The following WDR91 variants were observed in gnomAD, a reference collection of about 807,000 sequenced individuals.
WDR91 encodes the protein WD repeat-containing protein 91.
Under a neutral mutation model 88.4 loss-of-function variants are expected in WDR91, and 52 were observed. That is an observed-to-expected ratio of 0.59 (90% CI 0.47 to 0.74). WDR91 has a LOEUF of 0.74. WDR91 is among the 30% of genes least tolerant of loss of function. WDR91 has a pLI of 0.00. For missense variants in WDR91, 824 were observed against 954.5 expected, an observed-to-expected ratio of 0.86 and a Z score of 1.80; for synonymous variants, 362 against 389.5, an observed-to-expected ratio of 0.93 and a Z score of 0.83.
chr7:135,209,985 G>A, intron 1 of WDR91: 1 of 403,002 alleles, frequency 2.5e-6, no homozygotes, highest in Non-Finnish European at 4.4e-6. Context: ...GGTGTAAAAG[G>A]GCTCTGGCCC....
Position 135,187,172 on chromosome 7 carries a change from G to T in WDR91, c.1882-3C>A. 6.2e-7 allele frequency: 1 copy of T among 1,614,056 alleles called. No individual in the cohort carries two copies. The highest frequency in any genetic ancestry group is 8.5e-7 in the Non-Finnish European group (1 of 1,180,008). Reference sequence around the variant, plus strand: ...TTGTGGATGTTCCACTGGATGAACTGCAGTCACAGGGCACAAGCAGGGTGC... The same window carrying T: ...TTGTGGATGTTCCACTGGATGAACTTCAGTCACAGGGCACAAGCAGGGTGC... On this transcript the variant is annotated splice_region_variant and splice_polypyrimidine_tract_variant and intron_variant, in intron 13 of 14. Coordinates refer to ENST00000354475, the MANE Select transcript of WDR91 (RefSeq NM_014149.4).
In WDR91 at chr7:135,187,042, C is replaced by T. The variant is rs1285022652; in HGVS notation, c.2009G>A (p.Arg670Gln). Reference protein sequence around the residue: ...GYKQVQVPRGRLFAFDSEGNY... With the variant: ...GYKQVQVPRGQLFAFDSEGNY... ...TCCCTCCGAGTCAAAAGCGAAGAGT[C>T]GGCCCCTGGGGACTTGAACCTGCTT... Residue 670 changes from arginine (R) to glutamine (Q), a missense_variant, in exon 14 of 15, where the codon CGA (arginine) becomes CAA (glutamine). Physicochemically the swap from Arg to Gln is conservative, Grantham distance 43. Transcript: ENST00000354475. 7.4e-6 allele frequency: 12 copies of T among 1,614,136 alleles called. No homozygotes were observed. The highest frequency in any genetic ancestry group is 3.3e-5 in the Admixed American group (2 of 60,018).
chr7:135,186,240 A>C lies in WDR91; in HGVS notation c.2155T>G (p.Trp719Gly). ...GHRAPVVTVD[W>G]STAMDCGTCL... ...GTCCCACAGTCCATGGCAGTGCTCC[A>C]GTCCACGGTGACCACAGGGGCTCGG... The change falls in exon 15 of 15, where the codon TGG becomes GGG. Residue 719 changes from tryptophan to glycine, a missense_variant. Trp to Gly is a radical substitution (Grantham distance 184). Coordinates refer to ENST00000354475, the MANE Select transcript of WDR91 (RefSeq NM_014149.4). The C allele has an allele frequency of 6.2e-7, 1 of 1,611,980 alleles. No individual in the cohort carries two copies.
chr7:135,201,055 C>T (rs1831551208), intron 6 of WDR91, among the ~76,000 whole-genome samples: 1 of 152,228 alleles, frequency 6.6e-6, no homozygotes, highest in African/African-American at 2.4e-5. Context: ...ACTTACTTCT[C>T]AGTAACTGGG....
chr7:135,193,840 TAAAC>T (rs1400694613), intron 9 of WDR91, 168 bp from the exon 10 acceptor site: 3 of 609,354 alleles, frequency 4.9e-6, no homozygotes, highest in Admixed American at 2.9e-5. Context: ...ACTTTAAAAT[TAAAC>T]AAAGACGTGA....
intron 1 of WDR91, among the ~76,000 whole-genome samples, chr7:135,210,431 A>G (rs996867949): frequency 2.0e-5 from 3 of 152,214 alleles, no homozygotes; most frequent in Non-Finnish European, 1.5e-5. Flanking sequence ...GGGGTGAAGA[A>G]GAGCTATGAG....
At chr7:135,209,473 A>T in intron 2 of WDR91, 103 bp downstream of exon 2, 1 of 1,179,216 alleles carries the variant, frequency 8.5e-7, no homozygotes, top group Non-Finnish European at 1.2e-6. Flanking sequence ...ACTCTTTCCC[A>T]TAGTCACATA....
rs1253785731 is a variant in WDR91, at chr7:135,184,491, C to T, written c.*1660G>A. The T allele has an allele frequency of 6.6e-6, 1 of 152,316 alleles. No homozygotes were observed. The highest frequency in any genetic ancestry group is 2.4e-5 in the African/African-American group (1 of 41,454). 9.4% of individuals were successfully genotyped at this position (152,316 alleles called of 1,614,324 possible). Reference sequence around the variant, plus strand: ...AGGTCCATCACTCCCATAGTGACTCCTCCCATAAGCTCTGCCTCAGCTGTG... The same window carrying T: ...AGGTCCATCACTCCCATAGTGACTCTTCCCATAAGCTCTGCCTCAGCTGTG... On this transcript the variant is annotated 3_prime_UTR_variant, in exon 15 of 15. Coordinates refer to ENST00000354475, the MANE Select transcript of WDR91 (RefSeq NM_014149.4).
rs1831042827 is a variant in WDR91 at position 135,188,589 on chromosome 7, T to A, written c.1769-44A>T. 2.6e-6 allele frequency: 4 copies of A among 1,551,522 alleles called. No homozygotes were observed. In the African/African-American group the frequency reaches 5.4e-5, roughly 21 times the overall value. The stretch of plus-strand genomic sequence containing the variant: ...GCCACTCACATCCTGGCCAGGGCTC[T>A]GCAGAAGGAATCTGCCTGCAGCAGG... On this transcript the variant is annotated intron_variant, in intron 12 of 14. Transcript: ENST00000354475.
At chr7:135,203,528 G>A (rs58400126) in intron 6 of WDR91, among the ~76,000 whole-genome samples, 4,332 of 152,224 alleles carry the variant, frequency 0.028, 166 homozygotes, top group African/African-American at 0.089. Context: ...AAAAAGATCC[G>A]CTTGCAGTCT....
At chr7:135,202,662 T>C (rs1481302240) in intron 6 of WDR91, among the ~76,000 whole-genome samples, 3 of 152,210 alleles carry the variant, frequency 2.0e-5, no homozygotes, top group Non-Finnish European at 4.4e-5. Context: ...TTCAAGTTAA[T>C]GAAATTGAAT....
chr7:135,204,196 A>G (rs769794061), intron 6 of WDR91, 72 bp downstream of exon 6: 109 of 1,564,760 alleles, frequency 7.0e-5, no homozygotes, highest in Non-Finnish European at 9.1e-5. Context: ...ACACTTGACC[A>G]GGAGGTCTGG....
At position 135,193,373 on chromosome 7, in the gene WDR91, T is replaced by C. The variant is rs142215859; in HGVS notation, c.1517A>G (p.Asn506Ser). 1.4e-4 allele frequency: 219 copies of C among 1,613,994 alleles called. No homozygotes were observed. Among genetic ancestry groups the C allele is most frequent in the Non-Finnish European group, 1.7e-4 (201 of 1,180,026 alleles). ...PRILSLACSP[N>S]GASFVCSAAA... is the part of the protein sequence containing the mutation. ...TGCCGAACAGACGAAAGAGGCCCCGTTGGGGCTGCACGCAAGAGACAGGAT... is the reference window on the plus strand; with the variant it reads ...TGCCGAACAGACGAAAGAGGCCCCGCTGGGGCTGCACGCAAGAGACAGGAT... The change falls in exon 11 of 15, where the codon AAC (asparagine) becomes AGC (serine). Residue 506 changes from asparagine to serine, a missense_variant. Coordinates refer to ENST00000354475, the MANE Select transcript of WDR91 (RefSeq NM_014149.4).
At position 135,196,630 on chromosome 7, in the gene WDR91, G is replaced by T. The variant is rs188123452; in HGVS notation, c.1051-293C>A. Among the ~76,000 whole-genome samples the T allele has an allele frequency of 3.3e-5, 5 of 152,184 alleles. No homozygotes were observed. Among genetic ancestry groups the T allele is most frequent in the Non-Finnish European group, 7.3e-5 (5 of 68,034 alleles). ...CTGATGGGACCCAGGACACACATCT[G>T]CCTTGACAACAGGCCAGGCGGAGGA... On this transcript the variant is annotated intron_variant, in intron 7 of 14. Coordinates refer to ENST00000354475, the MANE Select transcript of WDR91 (RefSeq NM_014149.4). This position sits in a 1 kb window ranked among gnomAD's most constrained non-coding sequence, Gnocchi z 4.2.
At chr7:135,193,173 C>T in intron 11 of WDR91, 58 bp downstream of exon 11, 1 of 1,573,232 alleles carries the variant, frequency 6.4e-7, no homozygotes, top group South Asian at 1.2e-5. Flanking sequence ...CTTCAGAAAC[C>T]CAGGGGAATA....
chr7:135,202,366 C>G (rs1045385510), intron 6 of WDR91: 1 of 152,190 alleles, frequency 6.6e-6, no homozygotes, highest in African/African-American at 2.4e-5. Context: ...AACAAGTGAC[C>G]TGACTATTGG....
In WDR91 at chr7:135,186,319, C is replaced by G; in HGVS notation, c.2080-4G>C. The G allele has an allele frequency of 1.2e-6, 2 of 1,611,100 alleles. No individual in the cohort carries two copies. The highest frequency in any genetic ancestry group is 2.2e-5 in the South Asian group (2 of 90,574). On this transcript the variant is annotated splice_region_variant and splice_polypyrimidine_tract_variant and intron_variant, in intron 14 of 14. Coordinates refer to ENST00000354475, the MANE Select transcript of WDR91 (RefSeq NM_014149.4). ...GAACCTTCTCATCGCCACCCAGCTGCAAGAGGACAGGAAAGAGGAGGAGGT... is the reference window on the plus strand; with the variant it reads ...GAACCTTCTCATCGCCACCCAGCTGGAAGAGGACAGGAAAGAGGAGGAGGT...
rs762789296 is a variant in WDR91 at position 135,204,226 on chromosome 7, G to A, written c.891+42C>T. 93 of 1,602,952 alleles carry A rather than the reference G, an allele frequency of 5.8e-5. No individual in the cohort carries two copies. The Admixed American group carries it at 1.2e-3, about 21-fold the overall frequency. ...GTCTGGAAGCACAGGGAGCTGTCAC[G>A]GCCTTCTTGGCCAGAGTTAGAGAGG... On this transcript the variant is annotated intron_variant, in intron 6 of 14. Transcript: ENST00000354475.
chr7:135,207,318 C>T (rs777154563), intron 3 of WDR91, 116 bp from the exon 4 acceptor site: 10 of 859,266 alleles, frequency 1.2e-5, no homozygotes, highest in African/African-American at 8.4e-5. Context: ...AGTATAGGAG[C>T]GGTGCTGTGG....
Sources: allele counts gnomAD v4.1 joint callset (sites outside exome capture counted in the v4.1 genomes callset), GRCh38; gene constraint gnomAD v4.1.1; non-coding constraint Gnocchi (gnomAD v3.1); transcripts MANE v1.5; gene names NCBI Gene and HGNC (gene_info 2026-07-23, HGNC 2026-07-21).